SLC26A3: variants seen among roughly 807,000 people sequenced by gnomAD.
SLC26A3 encodes the protein chloride anion exchanger.
Under a neutral mutation model 85.6 loss-of-function variants are expected in SLC26A3, and 64 were observed. That is an observed-to-expected ratio of 0.75 (90% CI 0.61 to 0.92). The LOEUF (loss-of-function observed/expected upper bound fraction) is 0.92, where lower values mean the gene tolerates loss of function less well. SLC26A3 is among the 40% of genes least tolerant of loss of function. The pLI, the probability that SLC26A3 is intolerant of heterozygous loss-of-function variation, is 0.00. For missense variants in SLC26A3, 922 were observed against 927.3 expected, an observed-to-expected ratio of 0.99 and a Z score of 0.07; for synonymous variants, 349 against 336.0, an observed-to-expected ratio of 1.04 and a Z score of -0.42.
rs925926774 is a variant in SLC26A3 at position 107,772,049 on chromosome 7, C to T, written c.2062+5G>A. On this transcript the variant is annotated splice_donor_5th_base_variant and intron_variant, in intron 18 of 20. Coordinates refer to ENST00000340010, the MANE Select transcript of SLC26A3 (RefSeq NM_000111.3). The stretch of plus-strand genomic sequence containing the variant: ...AGAACATAAAACAAAAATAAAGCCA[C>T]TTACCATCAGTTCCAACGATATACA... The T allele has an allele frequency of 4.3e-6, 7 of 1,609,624 alleles. No homozygotes were observed. Among genetic ancestry groups the T allele is most frequent in the Middle Eastern group, 3.3e-4 (2 of 6,040 alleles).
In SLC26A3 at chr7:107,767,626, C is replaced by A; in HGVS notation, c.2224G>T (p.Asp742Tyr). Residue 742 changes from aspartate (D) to tyrosine (Y), a missense_variant, in exon 20 of 21, where the codon GAT (aspartate) becomes TAT (tyrosine). By Grantham distance (160) the Asp-to-Tyr change is radical (BLOSUM62 -3). Transcript: ENST00000340010. ...NPSQEKDGKI[D>Y]FTINTNGGLR... ...CCTCCATTTGTATTTATGGTAAAAT[C>A]AATTTTTCCATCTTTTTCCTGAGAA... 2 of 1,609,862 alleles carry A rather than the reference C, an allele frequency of 1.2e-6. No individual in the cohort carries two copies. The highest frequency in any genetic ancestry group is 2.2e-5 in the South Asian group (2 of 90,950).
chr7:107,790,308 C>G (rs1794371688), intron 5 of SLC26A3, among the ~76,000 whole-genome samples: 1 of 152,208 alleles, frequency 6.6e-6, no homozygotes, highest in Non-Finnish European at 1.5e-5. Context: ...CTCCAGAACG[C>G]AGCCAGAGCT....
intron 17 of SLC26A3, among the ~76,000 whole-genome samples, chr7:107,772,902 C>G (rs1463660377): frequency 6.6e-6 from 1 of 152,116 alleles, no homozygotes; most frequent in South Asian, 2.1e-4. Flanking sequence ...AAAAAAAATT[C>G]TTCCATTTTC....
intron 18 of SLC26A3, among the ~76,000 whole-genome samples, chr7:107,769,398 A>G (rs1249971767): frequency 6.6e-6 from 1 of 151,962 alleles, no homozygotes; most frequent in African/African-American, 2.4e-5. Flanking sequence ...AAAAACATAT[A>G]AAAAAATTAA....
chr7:107,796,407 A>C (rs1479766461), intron 1 of SLC26A3, among the ~76,000 whole-genome samples: 1 of 152,066 alleles, frequency 6.6e-6, no homozygotes, highest in Non-Finnish European at 1.5e-5. Context: ...CGGTTATGAC[A>C]TTTAGATCCT....
intron 13 of SLC26A3, 152 bp downstream of exon 13, chr7:107,778,023 T>A (rs1309222606): frequency 5.7e-6 from 4 of 696,910 alleles, no homozygotes; most frequent in Non-Finnish European, 1.1e-5. Context: ...GGCCTTGAGA[T>A]GAGCAACTGG....
chr7:107,788,495 T>C (rs1291143413), intron 6 of SLC26A3, among the ~76,000 whole-genome samples: 2 of 152,142 alleles, frequency 1.3e-5, no homozygotes, highest in Non-Finnish European at 2.9e-5. Flanking sequence ...GAATGAGACA[T>C]GCTTTTCAAG....
At chr7:107,784,229 A>G (rs1435732731) in intron 8 of SLC26A3, among the ~76,000 whole-genome samples, 2 of 152,234 alleles carry the variant, frequency 1.3e-5, no homozygotes, top group African/African-American at 4.8e-5. Context: ...AAGAAGTACT[A>G]TTATATCTGA....
chr7:107,777,998 T>C (rs1794148117), intron 13 of SLC26A3, among the ~76,000 whole-genome samples, 177 bp downstream of exon 13: 1 of 152,242 alleles, frequency 6.6e-6, no homozygotes, highest in Non-Finnish European at 1.5e-5. Flanking sequence ...AGCTGGGCCG[T>C]GCTATTGCCC....
rs568647097 is a variant in SLC26A3 at position 107,793,789 on chromosome 7, C to T, written c.224G>A (p.Ser75Asn). The change falls in exon 3 of 21, where the codon AGT becomes AAT. Residue 75 changes from serine (S) to asparagine (N), a missense_variant. Transcript: ENST00000340010. ...TGTGCTGATACCAGAAACAATATCA[C>T]TGAGCAACCATTCTTTAAGCCGGTA... ...PAYRLKEWLL[S>N]DIVSGISTGI... is the part of the protein sequence containing the mutation. 10 of 1,614,126 alleles carry T rather than the reference C, an allele frequency of 6.2e-6. No individual in the cohort carries two copies. The South Asian group carries it at 1.1e-4, about 18-fold the overall frequency.
At chr7:107,788,926 A>G (rs1268789334) in intron 6 of SLC26A3, among the ~76,000 whole-genome samples, 2 of 150,138 alleles carry the variant, frequency 1.3e-5, no homozygotes, top group Non-Finnish European at 3.0e-5. Flanking sequence ...GGGACTGCAG[A>G]CATGCACCAC....
chr7:107,789,016 C>T (rs189765387), intron 6 of SLC26A3, among the ~76,000 whole-genome samples: 1 of 151,402 alleles, frequency 6.6e-6, no homozygotes, highest in East Asian at 1.9e-4. Flanking sequence ...CTCCTGGGTT[C>T]AGGTGTCAAG....
chr7:107,774,261 A>T lies in SLC26A3; in HGVS notation c.1774-108T>A, dbSNP rs1794074655. 28 of 885,412 alleles carry T rather than the reference A, an allele frequency of 3.2e-5. No individual in the cohort carries two copies. The South Asian group carries it at 3.6e-4, about 11-fold the overall frequency. 54.8% of individuals were successfully genotyped at this position (885,412 alleles called of 1,614,324 possible). ...CACTGATTCTGAGTTGAGCCAAACG[A>T]TGGGATTGGACTAGGTGTGGTGGCT... On this transcript the variant is annotated intron_variant, in intron 16 of 20. Transcript: ENST00000340010.
intron 8 of SLC26A3, among the ~76,000 whole-genome samples, chr7:107,785,823 A>T (rs935934689): frequency 1.3e-5 from 2 of 152,234 alleles, no homozygotes; most frequent in African/African-American, 4.8e-5. Context: ...AGTAAAAAAA[A>T]TACATATAAA....
At position 107,778,266 on chromosome 7, in the gene SLC26A3, T is replaced by TCATGATCC. The variant is rs1376781712; in HGVS notation, c.1415_1422dup (p.Thr475GlyfsTer3). ...CCCAGGACAATGGTGAAGATGAAGG[T>TCATGATCC]CATGATCCAAATTAACTGTGAAAAG... On this transcript the variant is annotated frameshift_variant, in exon 13 of 21. Transcript: ENST00000340010. LOFTEE classifies it high-confidence loss of function. 6.2e-7 allele frequency: 1 copy of TCATGATCC among 1,612,166 alleles called. No individual in the cohort carries two copies. The highest frequency in any genetic ancestry group is 8.5e-7 in the Non-Finnish European group (1 of 1,178,766).
Position 107,772,119 on chromosome 7 carries a change from G to GA in SLC26A3, c.2008-12dup. 6.5e-7 allele frequency: 1 copy of GA among 1,539,446 alleles called. No individual in the cohort carries two copies. Among genetic ancestry groups the GA allele is most frequent in the East Asian group, 2.2e-5 (1 of 44,490 alleles). ...AAATTCTTGCAAAATCTGTTAAAAA[G>GA]AAAAGTATATCTTCCTTAGGGAACA... On this transcript the variant is annotated splice_polypyrimidine_tract_variant and intron_variant, in intron 17 of 20. Coordinates refer to ENST00000340010, the MANE Select transcript of SLC26A3 (RefSeq NM_000111.3).
At chr7:107,771,450 T>G (rs1794029429) in intron 18 of SLC26A3, among the ~76,000 whole-genome samples, 1 of 151,884 alleles carries the variant, frequency 6.6e-6, no homozygotes, top group African/African-American at 2.4e-5. Context: ...TGGTATAGAG[T>G]GTACGGTTGA....
rs1178549156 is a variant in SLC26A3 at position 107,767,585 on chromosome 7, T to C, written c.2265A>G (p.Val755=). The change falls in exon 20 of 21, where the codon GTA becomes GTG. Residue 755 remains valine, a synonymous_variant. Coordinates refer to ENST00000340010, the MANE Select transcript of SLC26A3 (RefSeq NM_000111.3). ...ACCTGTTGAAGAATCTTACCTCATA[T>C]ACCCGATTACGTAATCCTCCATTTG... The part of the protein sequence containing the change: ...INTNGGLRNR[V]YEVPVETKF 1.9e-6 allele frequency: 3 copies of C among 1,606,668 alleles called. No individual in the cohort carries two copies. Among genetic ancestry groups the C allele is most frequent in the Non-Finnish European group, 1.7e-6 (2 of 1,173,662 alleles).
Position 107,794,418 on chromosome 7 carries a change from T to C in SLC26A3, c.92A>G (p.His31Arg). Residue 31 changes from histidine to arginine, a missense_variant, in exon 2 of 21, where the codon CAT becomes CGT. Physicochemically the swap from His to Arg is conservative, Grantham distance 29. Transcript: ENST00000340010. ...FEENHKKTGR[H>R]HKTFLDHLKV... is the part of the protein sequence containing the mutation. ...GAGATGATCCAGAAATGTCTTATGA[T>C]GTCTTCCTGTCTTTTTATGATTTTC... The C allele has an allele frequency of 6.2e-7, 1 of 1,614,050 alleles. No homozygotes were observed. The highest frequency in any genetic ancestry group is 8.5e-7 in the Non-Finnish European group (1 of 1,179,914).
Sources: allele counts gnomAD v4.1 joint callset (sites outside exome capture counted in the v4.1 genomes callset), GRCh38; gene constraint gnomAD v4.1.1; transcripts MANE v1.5; gene names NCBI Gene and HGNC (gene_info 2026-07-23, HGNC 2026-07-21).